RRM2: variants seen among roughly 807,000 people sequenced by gnomAD.
RRM2 encodes ribonucleotide reductase regulatory subunit M2.
In RRM2, 6 loss-of-function variants were observed where a neutral mutation model predicts 45.9. The observed-to-expected ratio is 0.13, with a 90% CI of 0.07 to 0.26. The LOEUF (loss-of-function observed/expected upper bound fraction) is 0.26, where lower values mean the gene tolerates loss of function less well. Ranked by LOEUF, RRM2 falls within the 10% of genes least tolerant of loss-of-function variation. The pLI, the probability that RRM2 is intolerant of heterozygous loss-of-function variation, is 1.00. For missense variants in RRM2, 343 were observed against 489.5 expected (o/e 0.70, Z 2.82); for synonymous variants, 177 against 173.0 (o/e 1.02, Z -0.18).
chr2:10,198,727 T>G (rs1296004523), intron 3 of RRM2: 1 of 152,172 alleles, frequency 6.6e-6, no homozygotes, highest in Non-Finnish European at 1.5e-5. Flanking sequence ...GAGAGGGGCT[T>G]CTGGCCGATT....
chr2:10,140,073 C>G (rs1263454894), upstream of RRM2, among the ~76,000 whole-genome samples: 2 of 152,020 alleles, frequency 1.3e-5, no homozygotes, highest in Admixed American at 1.3e-4. Flanking sequence ...ACAGAGAAAG[C>G]CCCTCTCTAC....
At chr2:10,128,980 C>G (rs375249597) in intron 8 of RRM2, 28 bp downstream of exon 8, 3 of 1,608,360 alleles carry the variant, frequency 1.9e-6, no homozygotes, top group East Asian at 2.2e-5. Context: ...ATGGGTCACT[C>G]AAGCTTGCTA....
chr2:10,167,778 T>C (rs563434960), intron 3 of RRM2, among the ~76,000 whole-genome samples: 50 of 152,338 alleles, frequency 3.3e-4, no homozygotes, highest in African/African-American at 1.1e-3. Context: ...TGTCCTCATC[T>C]GAAGATAACT....
intron 3 of RRM2, among the ~76,000 whole-genome samples, chr2:10,182,695 A>T (rs753330525): frequency 5.3e-5 from 8 of 152,220 alleles, no homozygotes; most frequent in Non-Finnish European, 8.8e-5. Flanking sequence ...AGGATGAGCC[A>T]TGAGGACCGG....
chr2:10,155,908 A>G (rs1368646130), intron 3 of RRM2: 1 of 152,254 alleles, frequency 6.6e-6, no homozygotes, highest in East Asian at 1.9e-4. Flanking sequence ...TAAGGAGGCT[A>G]CAGCCCAAGG....
intron 3 of RRM2, among the ~76,000 whole-genome samples, chr2:10,200,689 AT>A (rs1480536044): frequency 7.4e-6 from 1 of 135,102 alleles, no homozygotes; most frequent in African/African-American, 2.6e-5. Context: ...GCGCGCACAA[AT>A]TATGAGTCCC....
chr2:10,142,034 G>GGGGAGCCAGA (rs1663095164), intron 2 of RRM2: 5 of 1,587,972 alleles, frequency 3.1e-6, no homozygotes, highest in Non-Finnish European at 3.4e-6. Flanking sequence ...TCTTTCATGT[G>GGGGAGCCAGA]GGGAGCCAGA....
intron 3 of RRM2, among the ~76,000 whole-genome samples, chr2:10,194,601 G>A (rs1664375255): frequency 6.6e-6 from 1 of 152,208 alleles, no homozygotes; most frequent in African/African-American, 2.4e-5. Context: ...ACCACCGGTG[G>A]GCCCCGGGTG....
intron 3 of RRM2, among the ~76,000 whole-genome samples, chr2:10,173,814 C>G (rs10929637): frequency 0.32 from 48,143 of 152,174 alleles, 7,884 homozygotes; most frequent in South Asian, 0.5. Flanking sequence ...GGGTTCCTGC[C>G]CTCTGGAGCC....
Position 10,129,759 on chromosome 2 carries a change from C to T in RRM2, c.*373C>T, listed in dbSNP as rs1662858901. 1 of 180,278 alleles carries T rather than the reference C, an allele frequency of 5.5e-6. No individual in the cohort carries two copies. The highest frequency in any genetic ancestry group is 1.8e-4 in the South Asian group (1 of 5,484). The allele number at this position is 180,278 out of a possible 1,614,324, so 11.2% of individuals were successfully genotyped here. A position where few individuals can be genotyped will look rare whatever the true frequency, so the allele number is the denominator to read the frequency against. On this transcript the variant is annotated 3_prime_UTR_variant, in exon 10 of 10. Transcript: ENST00000304567. The surrounding 1 kb of genome is among the most constrained non-coding windows in gnomAD (Gnocchi z 4.8). ...ATTTTAATGTTTACTTAAATATAAA[C>T]CTGGCACTTTACAAACAAATAAACA... is the stretch of plus-strand genomic sequence containing the variant.
At chr2:10,157,095 C>G (rs1158574347) in intron 3 of RRM2, among the ~76,000 whole-genome samples, 1 of 135,580 alleles carries the variant, frequency 7.4e-6, no homozygotes, top group Admixed American at 8.3e-5. Context: ...GTGGCGCAAT[C>G]TCGGCTCACT....
rs779600361 is a variant in RRM2 at position 10,123,435 on chromosome 2, G to C, written c.223G>C (p.Glu75Gln). 6.2e-7 allele frequency: 1 copy of C among 1,614,184 alleles called. No individual in the cohort carries two copies. The highest frequency in any genetic ancestry group is 1.1e-5 in the South Asian group (1 of 91,090). Residue 75 changes from glutamate to glutamine, a missense_variant, in exon 3 of 10, where the codon GAA becomes CAA. Coordinates refer to ENST00000304567, the MANE Select transcript of RRM2 (RefSeq NM_001034.4). ...PGVEDEPLLR[E>Q]NPRRFVIFPI... is the part of the protein sequence containing the mutation. ...CGTGGAGGATGAGCCGCTGCTGAGA[G>C]AAAACCCCCGCCGCTTTGTCATCTT...
Position 10,199,790 on chromosome 2 carries a change from A to AC in RRM2, n.483-10521_483-10520insC, listed in dbSNP as rs1553329361. On this transcript the variant is annotated intron_variant and non_coding_transcript_variant, in intron 3 of 3. Coordinates refer to the RRM2 transcript ENST00000381786. Reference sequence around the variant, plus strand: ...GTGAGACTCAGTCTCAAAAAAAAAAAAAAAAAAAAAAAAAAAAAACAAATC... The same window carrying AC: ...GTGAGACTCAGTCTCAAAAAAAAAAACAAAAAAAAAAAAAAAAAAACAAATC... 9.0e-4 allele frequency among the ~76,000 whole-genome samples: 65 copies of AC among 71,874 alleles called. 4 individuals are homozygous for AC. The East Asian group carries it at 0.016, about 18-fold the overall frequency. The allele number at this position is 71,874 out of a possible 152,430, so 47.2% of individuals were successfully genotyped here. A position where few individuals can be genotyped will look rare whatever the true frequency, so the allele number is the denominator to read the frequency against.
rs113482181 is a variant in RRM2, at chr2:10,166,932, A to G, written n.482+24557A>G. Among the ~76,000 whole-genome samples the G allele has an allele frequency of 8.8e-3, 1,346 of 152,310 alleles. 24 individuals carry two copies. Among genetic ancestry groups the G allele is most frequent in the African/African-American group, 0.029 (1,207 of 41,572 alleles). On this transcript the variant is annotated intron_variant and non_coding_transcript_variant, in intron 3 of 3. Transcript: ENST00000381786. ...GGGTCACCACTGACCCTGTTAGGAA[A>G]CAAGTGTGTCTGTACGTGCCACTTA...
At chr2:10,163,005 G>T (rs1045169063) in intron 3 of RRM2, among the ~76,000 whole-genome samples, 5 of 152,198 alleles carry the variant, frequency 3.3e-5, no homozygotes, top group African/African-American at 1.2e-4. Context: ...GGCCACTCCT[G>T]CACGCAGGGC....
chr2:10,168,789 C>G (rs1320150347), intron 3 of RRM2, among the ~76,000 whole-genome samples: 2 of 152,110 alleles, frequency 1.3e-5, no homozygotes, highest in African/African-American at 4.8e-5. Flanking sequence ...AACCTGATCA[C>G]CCACTCATTC....
upstream of RRM2, among the ~76,000 whole-genome samples, chr2:10,136,543 A>G (rs969985201): frequency 6.6e-6 from 1 of 152,142 alleles, no homozygotes; most frequent in African/African-American, 2.4e-5. Context: ...CAAGGGGGGA[A>G]TCCCTGGCTT....
intron 3 of RRM2, among the ~76,000 whole-genome samples, chr2:10,193,448 C>T (rs1480601366): frequency 6.6e-6 from 1 of 152,202 alleles, no homozygotes; most frequent in African/African-American, 2.4e-5. Flanking sequence ...GTGCCGGGTG[C>T]CTCAGTGTCC....
rs1427433561 is a variant in RRM2 at position 10,205,376 on chromosome 2, TTTCTC to T, written n.483-4931_483-4927del. Among the ~76,000 whole-genome samples, 1 of 152,192 alleles carries T rather than the reference TTTCTC, an allele frequency of 6.6e-6. No homozygotes were observed. The highest frequency in any genetic ancestry group is 1.9e-4 in the East Asian group (1 of 5,192). ...AACACATTTTGGGGCAGAACCGAGT[TTTCTC>T]TTCACTTTCAGACTCAAGTCCAGCT... On this transcript the variant is annotated intron_variant and non_coding_transcript_variant, in intron 3 of 3. Coordinates refer to the RRM2 transcript ENST00000381786. The surrounding 1 kb of genome is among the most constrained non-coding windows in gnomAD (Gnocchi z 4.8).
Sources: gnomAD v4.1 joint callset for allele counts (sites outside exome capture counted in the v4.1 genomes callset) on GRCh38, gnomAD v4.1.1 for gene constraint, Gnocchi (gnomAD v3.1) non-coding constraint, MANE v1.5 for transcripts, NCBI Gene and HGNC (gene_info 2026-07-23, HGNC 2026-07-21) for gene names.